Variants in CELF1 observed in about 807,000 individuals in gnomAD.
CELF1 encodes the protein 50 kDa nuclear polyadenylated RNA-binding protein.
Under a neutral mutation model 61.8 loss-of-function variants are expected in CELF1, and 10 were observed. The ratio of observed to expected loss-of-function variants is 0.16; its 90% CI spans 0.10 to 0.27. CELF1 has a LOEUF of 0.27. Ranked by LOEUF, CELF1 falls within the 10% of genes least tolerant of loss-of-function variation. CELF1 has a pLI of 1.00. For missense variants in CELF1, 380 were observed against 639.1 expected, an observed-to-expected ratio of 0.59 and a Z score of 4.37; for synonymous variants, 236 against 225.1, an observed-to-expected ratio of 1.05 and a Z score of -0.43.
chr11:47,493,831 T>G (rs1208849196), intron 3 of CELF1, among the ~76,000 whole-genome samples: 1 of 152,140 alleles, frequency 6.6e-6, no homozygotes, highest in East Asian at 1.9e-4. Flanking sequence ...AGTCACAAAC[T>G]TTCTCTGATA....
chr11:47,519,561 A>G (rs2095759869), intron 1 of CELF1, among the ~76,000 whole-genome samples: 1 of 152,106 alleles, frequency 6.6e-6, no homozygotes. Context: ...TCACTCTGCA[A>G]TTGTGCTCCT....
chr11:47,513,045 T>C (rs943553980), intron 1 of CELF1, among the ~76,000 whole-genome samples: 1 of 152,222 alleles, frequency 6.6e-6, no homozygotes, highest in African/African-American at 2.4e-5. Flanking sequence ...TGGTCCCCTC[T>C]TGGACTTCCA....
intron 1 of CELF1, among the ~76,000 whole-genome samples, chr11:47,551,483 GTAGCAACAGT>G (rs1160201180): frequency 2.6e-5 from 4 of 152,212 alleles, no homozygotes; most frequent in Non-Finnish European, 5.9e-5. Flanking sequence ...GAAAATCACT[GTAGCAACAGT>G]TTGTGCATGC....
rs112204054 is a variant in CELF1, at chr11:47,501,994, T to C, written c.-153-1062A>G. ...AAGACTACTTAAATGGAGACATTAC[T>C]GAGTTGCCAGGCACTGTCCAATGTA... On this transcript the variant is annotated intron_variant, in intron 1 of 14. Coordinates refer to ENST00000687097, the MANE Select transcript of CELF1 (RefSeq NM_001376376.1). 1.6e-3 allele frequency among the ~76,000 whole-genome samples: 245 copies of C among 152,348 alleles called. 1 individual carries two copies. Among genetic ancestry groups the C allele is most frequent in the African/African-American group, 5.7e-3 (236 of 41,588 alleles).
Position 47,558,688 on chromosome 11 carries a change from TATATA to T in CELF1, c.-11+5658_-11+5662del, listed in dbSNP as rs1425449272. Among the ~76,000 whole-genome samples, 28 of 110,682 alleles carry T rather than the reference TATATA, an allele frequency of 2.5e-4. No homozygotes were observed. The East Asian group carries it at 2.9e-3, about 12-fold the overall frequency. 72.6% of individuals were successfully genotyped at this position (110,682 alleles called of 152,430 possible). ...ACATAATATAATATGTAATATATTA[TATATA>T]ATATATGTCATAATATATAATATTA... On this transcript the variant is annotated intron_variant, in intron 2 of 3. Coordinates refer to the CELF1 transcript ENST00000525841.
In CELF1 at chr11:47,499,533, C is replaced by T; in HGVS notation, c.-10G>A. On this transcript the variant is annotated 5_prime_UTR_variant, in exon 3 of 15. Transcript: ENST00000687097. ...ACTTAAACGCAGCCATCACCTCACT[C>T]TCCCCTTCAGAAGCCAATGATATTA... 3 of 1,534,408 alleles carry T rather than the reference C, an allele frequency of 2.0e-6. No individual in the cohort carries two copies. The highest frequency in any genetic ancestry group is 2.6e-6 in the Non-Finnish European group (3 of 1,145,364).
At chr11:47,565,002 G>A (rs896162817) in intron 1 of CELF1, among the ~76,000 whole-genome samples, 15 of 152,074 alleles carry the variant, frequency 9.9e-5, no homozygotes, top group Admixed American at 3.3e-4. Flanking sequence ...GAGGGGAGGA[G>A]GAAGGCGACC....
intron 1 of CELF1, among the ~76,000 whole-genome samples, chr11:47,548,664 G>C (rs371275399): frequency 6.6e-6 from 1 of 151,596 alleles, no homozygotes; most frequent in Admixed American, 6.6e-5. Context: ...TTGGGAGTTC[G>C]AGACCAGCCT....
intron 5 of CELF1, 102 bp from the exon 6 acceptor site, chr11:47,486,900 T>C: frequency 1.1e-6 from 1 of 921,336 alleles, no homozygotes; most frequent in South Asian, 1.4e-5. Context: ...AAGAGTTCTC[T>C]CTGAACTCAT....
At chr11:47,559,063 TATA>T (rs1275996726) in intron 2 of CELF1, among the ~76,000 whole-genome samples, 4 of 142,268 alleles carry the variant, frequency 2.8e-5, no homozygotes, top group Non-Finnish European at 6.0e-5. Flanking sequence ...ATATGTTATA[TATA>T]ATAATATAAT....
intron 1 of CELF1, among the ~76,000 whole-genome samples, chr11:47,535,961 A>G (rs1037041487): frequency 6.6e-6 from 1 of 151,898 alleles, no homozygotes; most frequent in Non-Finnish European, 1.5e-5. Flanking sequence ...ACAGGGTTTC[A>G]CTGTGTTAGC....
At chr11:47,522,004 G>A (rs751873774) in intron 1 of CELF1, among the ~76,000 whole-genome samples, 12 of 151,374 alleles carry the variant, frequency 7.9e-5, no homozygotes, top group African/African-American at 1.7e-4. Context: ...TCCATCTCCC[G>A]GATTCGAGAG....
At chr11:47,564,585 A>T (rs1191448381) in intron 1 of CELF1, 2 of 152,172 alleles carry the variant, frequency 1.3e-5, no homozygotes, top group East Asian at 3.9e-4. Context: ...GGATCACCTT[A>T]GGTTCGAGAC....
intron 11 of CELF1, 71 bp downstream of exon 11, chr11:47,477,226 G>A (rs2080661288): frequency 6.4e-7 from 1 of 1,552,864 alleles, no homozygotes; most frequent in Non-Finnish European, 8.8e-7. Context: ...TTCCCTCTCT[G>A]GACTCTGCCT....
At chr11:47,506,601 T>TA (rs1162090673) in intron 1 of CELF1, among the ~76,000 whole-genome samples, 4 of 152,340 alleles carry the variant, frequency 2.6e-5, no homozygotes, top group East Asian at 3.9e-4. Context: ...GCAACAGCTG[T>TA]AAGAACTAGG....
intron 1 of CELF1, among the ~76,000 whole-genome samples, chr11:47,540,369 G>A (rs1450118332): frequency 6.6e-6 from 1 of 152,164 alleles, no homozygotes; most frequent in Non-Finnish European, 1.5e-5. Flanking sequence ...AGACCTAAGG[G>A]ATAAATAATC....
intron 1 of CELF1, among the ~76,000 whole-genome samples, chr11:47,508,970 T>C (rs1449059307): frequency 6.6e-6 from 1 of 152,188 alleles, no homozygotes; most frequent in Admixed American, 6.5e-5. Flanking sequence ...GGTTTCACCA[T>C]GTTGGTCAGG....
At chr11:47,494,345 A>G (rs7932169) in intron 3 of CELF1, 969,084 of 970,030 alleles carry the variant, frequency 1, 484,076 homozygotes, top group East Asian at 1. Flanking sequence ...GGAGGTAGTT[A>G]CTCTCATTGT....
chr11:47,523,665 TCTC>T (rs2096073463), intron 1 of CELF1: 1 of 152,198 alleles, frequency 6.6e-6, no homozygotes, highest in Non-Finnish European at 1.5e-5. Context: ...CGTCCTTTCC[TCTC>T]CTCATTGACT....
Sources: gnomAD v4.1 joint callset for allele counts (sites outside exome capture counted in the v4.1 genomes callset) on GRCh38, gnomAD v4.1.1 for gene constraint, MANE v1.5 for transcripts, NCBI Gene and HGNC (gene_info 2026-07-23, HGNC 2026-07-21) for gene names.